The following RAPGEF5 variants were observed in gnomAD, a reference collection of about 807,000 sequenced individuals.
RAPGEF5 encodes Rap guanine nucleotide exchange factor 5, also known as M-Ras-regulated GEF.
In RAPGEF5, 65 loss-of-function variants were observed where a neutral mutation model predicts 125.2. That is an observed-to-expected ratio of 0.52 (90% confidence interval 0.43 to 0.64). The LOEUF (loss-of-function observed/expected upper bound fraction) is 0.64. Among genes scored for constraint, RAPGEF5 ranks in the 30% least tolerant of loss-of-function variants. The pLI is 0.00. For missense variants in RAPGEF5, 958 were observed against 1,048.1 expected, an observed-to-expected ratio of 0.91 and a Z score of 1.19; for synonymous variants, 391 against 385.9, an observed-to-expected ratio of 1.01 and a Z score of -0.16.
At chr7:22,263,921 GT>G (rs898540125) in intron 7 of RAPGEF5, among the ~76,000 whole-genome samples, 2 of 151,732 alleles carry the variant, frequency 1.3e-5, no homozygotes, top group African/African-American at 2.4e-5. Flanking sequence ...TATTATAAAA[GT>G]TTTTTTCAAT....
intron 1 of RAPGEF5, among the ~76,000 whole-genome samples, chr7:22,342,348 G>C (rs1784145745): frequency 6.6e-6 from 1 of 152,232 alleles, no homozygotes; most frequent in African/African-American, 2.4e-5. Context: ...CTCTGGGCCT[G>C]TGATGGGAGG....
At chr7:22,135,221 C>T (rs552773722) in intron 23 of RAPGEF5, among the ~76,000 whole-genome samples, 1 of 152,164 alleles carries the variant, frequency 6.6e-6, no homozygotes, top group Non-Finnish European at 1.5e-5. Flanking sequence ...GCAGAAGTTA[C>T]AAGCCTCTGA....
intron 17 of RAPGEF5, among the ~76,000 whole-genome samples, chr7:22,152,730 A>G (rs1783668371): frequency 6.6e-6 from 1 of 152,214 alleles, no homozygotes; most frequent in Admixed American, 6.5e-5. Flanking sequence ...GGACTAAAAT[A>G]TAATTTATTA....
chr7:22,211,963 C>T (rs7780652), intron 9 of RAPGEF5, among the ~76,000 whole-genome samples: 177 of 114,334 alleles, frequency 1.5e-3, no homozygotes, highest in East Asian at 4.2e-3. Flanking sequence ...CATGTGTTCT[C>T]TTTTTTTTTT....
chr7:22,153,571 G>C (rs763580375), intron 17 of RAPGEF5, among the ~76,000 whole-genome samples: 3 of 152,118 alleles, frequency 2.0e-5, no homozygotes, highest in Non-Finnish European at 4.4e-5. Flanking sequence ...AAAGCCATAG[G>C]AACAAGATAC....
chr7:22,157,019 A>G lies in RAPGEF5; in HGVS notation c.1558-131T>C, dbSNP rs570770119. 7.7e-6 allele frequency: 11 copies of G among 1,422,776 alleles called. No homozygotes were observed. The Admixed American group carries it at 2.8e-4, about 36-fold the overall frequency. 88.1% of individuals were successfully genotyped at this position (1,422,776 alleles called of 1,614,324 possible). A position where few individuals can be genotyped will look rare whatever the true frequency, so the allele number is the denominator to read the frequency against. ...ATATGAAATCCACCCATCCAATCTT[A>G]GAGAAATAAACTGGGAGTCGCCTCA... On this transcript the variant is annotated intron_variant, in intron 15 of 25. Transcript: ENST00000665637.
chr7:22,136,734 T>C (rs990667881), intron 22 of RAPGEF5, among the ~76,000 whole-genome samples, 199 bp downstream of exon 22: 3 of 152,092 alleles, frequency 2.0e-5, no homozygotes, highest in Admixed American at 1.3e-4. Context: ...TTTCACTACG[T>C]TTTTAGAAGG....
chr7:22,295,010 G>A (rs1182607127), intron 5 of RAPGEF5, among the ~76,000 whole-genome samples: 1 of 152,208 alleles, frequency 6.6e-6, no homozygotes, highest in Non-Finnish European at 1.5e-5. Context: ...CACCACTCAT[G>A]CTGTACATTA....
intron 9 of RAPGEF5, among the ~76,000 whole-genome samples, chr7:22,194,942 G>A (rs573813219): frequency 2.7e-4 from 41 of 152,178 alleles, no homozygotes; most frequent in African/African-American, 9.4e-4. Context: ...CCCAGTAAGC[G>A]TACGGTAGCC....
chr7:22,140,042 G>A lies in RAPGEF5; in HGVS notation c.2260C>T (p.Leu754=). 6.4e-7 allele frequency: 1 copy of A among 1,567,784 alleles called. No individual in the cohort carries two copies. The highest frequency in any genetic ancestry group is 8.7e-7 in the Non-Finnish European group (1 of 1,155,886). The change falls in exon 21 of 26, where the codon CTG becomes TTG. Residue 754 remains leucine, a synonymous_variant. Coordinates refer to ENST00000665637, the MANE Select transcript of RAPGEF5 (RefSeq NM_012294.5). ...MGLNTASVSR[L]SQTWEKIPGK... ...AGGCTCACCTCCCAGGTCTGCGACAGTCGACTGACAGAAGCAGTGTTGAGA... is the reference window on the plus strand; with the variant it reads ...AGGCTCACCTCCCAGGTCTGCGACAATCGACTGACAGAAGCAGTGTTGAGA...
chr7:22,148,632 G>C (rs1035790257), intron 18 of RAPGEF5, among the ~76,000 whole-genome samples: 1 of 152,152 alleles, frequency 6.6e-6, no homozygotes, highest in Non-Finnish European at 1.5e-5. Flanking sequence ...GCTTTTGAGG[G>C]TAGGATGGAG....
chr7:22,257,661 A>C (rs1782031350), intron 7 of RAPGEF5, among the ~76,000 whole-genome samples: 1 of 152,234 alleles, frequency 6.6e-6, no homozygotes, highest in Non-Finnish European at 1.5e-5. Context: ...TTGAGAATGC[A>C]CAGTGAATCA....
At chr7:22,344,784 A>G (rs1205013785) in intron 1 of RAPGEF5, among the ~76,000 whole-genome samples, 1 of 152,218 alleles carries the variant, frequency 6.6e-6, no homozygotes, top group Non-Finnish European at 1.5e-5. Flanking sequence ...ACTGCCAGTT[A>G]CTCTGCAGAA....
chr7:22,161,959 T>A (rs2128112065), intron 13 of RAPGEF5, among the ~76,000 whole-genome samples: 1 of 152,352 alleles, frequency 6.6e-6, no homozygotes, highest in Admixed American at 6.5e-5. Context: ...TCACTCTAAA[T>A]GTAAAACTAG....
intron 8 of RAPGEF5, among the ~76,000 whole-genome samples, chr7:22,224,248 T>G (rs564073592): frequency 2.6e-5 from 4 of 152,276 alleles, no homozygotes; most frequent in Non-Finnish European, 5.9e-5. Flanking sequence ...GAGACAATGG[T>G]AAATATATGG....
intron 1 of RAPGEF5, among the ~76,000 whole-genome samples, chr7:22,329,087 G>A (rs1783865033): frequency 6.6e-6 from 1 of 152,194 alleles, no homozygotes; most frequent in South Asian, 2.1e-4. Context: ...TACTGTAAGA[G>A]GTGCTTCATA....
chr7:22,330,541 G>A (rs1783896920), intron 1 of RAPGEF5, among the ~76,000 whole-genome samples: 1 of 152,214 alleles, frequency 6.6e-6, no homozygotes, highest in African/African-American at 2.4e-5. Context: ...CCAAGTTCCT[G>A]TTCTAAGAAC....
At chr7:22,122,562 A>G in intron 25 of RAPGEF5, 41 bp from the exon 26 acceptor site, 1 of 1,442,730 alleles carries the variant, frequency 6.9e-7, no homozygotes. Flanking sequence ...TCAGGAGAGC[A>G]GTAATGCTGT....
intron 7 of RAPGEF5, among the ~76,000 whole-genome samples, chr7:22,249,229 C>T (rs1786556954): frequency 6.6e-6 from 1 of 152,108 alleles, no homozygotes; most frequent in African/African-American, 2.4e-5. Context: ...TCTCACTCTG[C>T]CACCCAGGCT....
Sources: gnomAD v4.1 joint callset for allele counts (sites outside exome capture counted in the v4.1 genomes callset) on GRCh38, gnomAD v4.1.1 for gene constraint, MANE v1.5 for transcripts, NCBI Gene and HGNC (gene_info 2026-07-23, HGNC 2026-07-21) for gene names.